Variants in ANK3 observed in about 807,000 individuals in gnomAD.
ANK3 encodes ankyrin-3.
ANK3 carries 57 observed loss-of-function variants against 370.9 expected under a neutral mutation model. The ratio of observed to expected loss-of-function variants is 0.15; its 90% CI spans 0.12 to 0.19. The LOEUF (loss-of-function observed/expected upper bound fraction) is 0.19. Among genes scored for constraint, ANK3 ranks in the 10% least tolerant of loss-of-function variants. The pLI is 1.00. For synonymous variants in ANK3, 1,929 were observed against 1,946.3 expected, an observed-to-expected ratio of 0.99 and a Z score of 0.23; for missense variants, 4,439 against 5,302.1, an observed-to-expected ratio of 0.84 and a Z score of 5.06.
intron 1 of ANK3, among the ~76,000 whole-genome samples, chr10:60,321,419 A>G (rs543934713): frequency 6.7e-4 from 102 of 152,020 alleles, no homozygotes; most frequent in African/African-American, 2.1e-3. Flanking sequence ...AAAGAAAAGA[A>G]AAGAAAAGAA....
intron 2 of ANK3, among the ~76,000 whole-genome samples, chr10:60,422,206 T>G (rs1247909033): frequency 1.3e-5 from 2 of 152,070 alleles, no homozygotes; most frequent in Admixed American, 6.6e-5. Flanking sequence ...TTAATTATCC[T>G]TGGCTAAGAC....
chr10:60,655,741 A>C (rs1189700536), intron 1 of ANK3, among the ~76,000 whole-genome samples: 1 of 152,188 alleles, frequency 6.6e-6, no homozygotes, highest in African/African-American at 2.4e-5. Context: ...ACATTCACTC[A>C]CCATTCACCC....
At chr10:60,569,298 C>T (rs185368633) in intron 2 of ANK3, among the ~76,000 whole-genome samples, 10 of 152,202 alleles carry the variant, frequency 6.6e-5, no homozygotes, top group South Asian at 2.1e-4. Flanking sequence ...TTAAAAAATA[C>T]GGTCTTATTG....
chr10:60,068,743 C>G lies in ANK3; in HGVS notation c.12138G>C (p.Gln4046His), dbSNP rs866529659. 6.2e-7 allele frequency: 1 copy of G among 1,614,064 alleles called. No individual in the cohort carries two copies. Among genetic ancestry groups the G allele is most frequent in the Non-Finnish European group, 8.5e-7 (1 of 1,180,018 alleles). ...TAGCAGACTTCGTTGTAACCGAAGG[C>G]TGGCCACCCCGGGAAGTCTCGGACA... is the stretch of plus-strand genomic sequence containing the variant. ...TSLSETSRGG[Q>H]PSVTTKSARD... The change falls in exon 37 of 44, where the codon CAG becomes CAC. Residue 4046 changes from glutamine (Q) to histidine (H), a missense_variant. By Grantham distance (24) the Gln-to-His change is conservative (BLOSUM62 0). Coordinates refer to ENST00000280772, the MANE Select transcript of ANK3 (RefSeq NM_020987.5).
chr10:60,536,668 G>A (rs2076732120), intron 2 of ANK3, among the ~76,000 whole-genome samples: 1 of 151,762 alleles, frequency 6.6e-6, no homozygotes, highest in Non-Finnish European at 1.5e-5. Flanking sequence ...AAAAAAACAC[G>A]TCCACTTCTA....
At chr10:60,179,383 A>G (rs1216310991) in intron 18 of ANK3, among the ~76,000 whole-genome samples, 1 of 152,192 alleles carries the variant, frequency 6.6e-6, no homozygotes, top group African/African-American at 2.4e-5. Flanking sequence ...ATGCTGCCAG[A>G]TATCATACGG....
At chr10:60,616,258 T>A (rs979798125) in intron 1 of ANK3, among the ~76,000 whole-genome samples, 3 of 152,160 alleles carry the variant, frequency 2.0e-5, no homozygotes, top group Non-Finnish European at 4.4e-5. Context: ...ATTTTCTTAT[T>A]TAATCTTCAC....
intron 1 of ANK3, among the ~76,000 whole-genome samples, chr10:60,694,967 G>A (rs1448232089): frequency 6.7e-6 from 1 of 148,880 alleles, no homozygotes; most frequent in East Asian, 2.0e-4. Flanking sequence ...TGGATAAAGA[G>A]TCAAGACCCA....
chr10:60,070,844 T>A lies in ANK3; in HGVS notation c.10037A>T (p.Lys3346Ile). 1 of 1,614,128 alleles carries A rather than the reference T, an allele frequency of 6.2e-7. No individual in the cohort carries two copies. The highest frequency in any genetic ancestry group is 8.5e-7 in the Non-Finnish European group (1 of 1,180,014). ...AGCCTTTTCAGCAGAAGCTTTGGGT[T>A]TTTCTTTTTGTTCATCGTCCACTTC... ...LKEVDDEQKEKPKASAEKASN... is the reference protein window; with the variant it reads ...LKEVDDEQKEIPKASAEKASN... Residue 3346 changes from lysine to isoleucine, a missense_variant, in exon 37 of 44, where the codon AAA (lysine) becomes ATA (isoleucine). Physicochemically the swap from Lys to Ile is moderately radical, Grantham distance 102 (BLOSUM62 -3). This residue lies in a region of ANK3 where 1,601 missense variants were observed against 1,731.7 expected (regional missense o/e 0.92). Coordinates refer to ENST00000280772, the MANE Select transcript of ANK3 (RefSeq NM_020987.5). This position sits in a 1 kb window ranked among gnomAD's most constrained non-coding sequence, Gnocchi z 5.7.
chr10:60,161,165 C>T (rs1002840412), intron 23 of ANK3, among the ~76,000 whole-genome samples: 3 of 152,106 alleles, frequency 2.0e-5, no homozygotes, highest in Non-Finnish European at 2.9e-5. Flanking sequence ...AAAAACCTAT[C>T]AGAACTGATA....
intron 2 of ANK3, among the ~76,000 whole-genome samples, chr10:60,554,306 G>C (rs1278657214): frequency 6.6e-6 from 1 of 152,010 alleles, no homozygotes; most frequent in Non-Finnish European, 1.5e-5. Context: ...TAATCTCCCT[G>C]AGAACAGGGA....
At position 60,071,639 on chromosome 10, in the gene ANK3, G is replaced by A. The variant is rs2082708128; in HGVS notation, c.9242C>T (p.Ala3081Val). Residue 3081 changes from alanine (A) to valine (V), a missense_variant, in exon 37 of 44, where the codon GCC becomes GTC. This residue lies in a region of ANK3 where 1,601 missense variants were observed against 1,731.7 expected (regional missense o/e 0.92). Coordinates refer to ENST00000280772, the MANE Select transcript of ANK3 (RefSeq NM_020987.5). ...TATCTCTTTCCCTCCCTCTGTCTGG[G>A]CTAGTGGTGCGAGTTTTTCCAATCC... ...IDGLEKLAPL[A>V]QTEGGKEIKT... The A allele has an allele frequency of 6.2e-7, 1 of 1,610,692 alleles. No homozygotes were observed. The highest frequency in any genetic ancestry group is 1.1e-5 in the South Asian group (1 of 90,394).
At chr10:60,616,324 T>G (rs938611012) in intron 1 of ANK3, among the ~76,000 whole-genome samples, 3 of 152,144 alleles carry the variant, frequency 2.0e-5, no homozygotes, top group Non-Finnish European at 2.9e-5. Flanking sequence ...CAATGCACAT[T>G]CATTACAGAA....
At chr10:60,495,465 C>T (rs56122661) in intron 2 of ANK3, among the ~76,000 whole-genome samples, 19,547 of 152,054 alleles carry the variant, frequency 0.13, 1,444 homozygotes, top group African/African-American at 0.2. Flanking sequence ...GAGTATCCTC[C>T]ATTTGACCTC....
intron 1 of ANK3, among the ~76,000 whole-genome samples, chr10:60,637,269 C>T (rs2078567695): frequency 6.6e-6 from 1 of 152,088 alleles, no homozygotes; most frequent in Admixed American, 6.6e-5. Context: ...ATTGGCTTAC[C>T]ATCTCTCTTC....
chr10:60,220,040 T>TTAAAA (rs144914022), intron 8 of ANK3, among the ~76,000 whole-genome samples: 6,737 of 152,196 alleles, frequency 0.044, 469 homozygotes, highest in African/African-American at 0.15. Context: ...CATTTTACTA[T>TTAAAA]TAAAATAAAA....
At chr10:60,570,334 T>C (rs1025174710) in intron 2 of ANK3, among the ~76,000 whole-genome samples, 1 of 152,096 alleles carries the variant, frequency 6.6e-6, no homozygotes, top group Non-Finnish European at 1.5e-5. Flanking sequence ...GTCCAGACAG[T>C]ATAAGGTGCT....
At chr10:60,584,068 C>T (rs1378422452) in intron 2 of ANK3, among the ~76,000 whole-genome samples, 1 of 152,102 alleles carries the variant, frequency 6.6e-6, no homozygotes, top group East Asian at 1.9e-4. Context: ...TTATCTTAAA[C>T]CTTCCCTTTC....
rs564297271 is a variant in ANK3, at chr10:60,431,757, CT to C, written c.97-152119del. The stretch of plus-strand genomic sequence containing the variant: ...GCAAGTGTATACCTATGTAATAAAC[CT>C]GCTTGTTCTGCACATGTATCCCAGA... On this transcript the variant is annotated intron_variant, in intron 2 of 43. Transcript: ENST00000373827. 7.9e-5 allele frequency among the ~76,000 whole-genome samples: 12 copies of C among 152,226 alleles called. No individual in the cohort carries two copies. In the South Asian group the frequency reaches 2.5e-3, roughly 32 times the overall value.
Sources: gnomAD v4.1 joint callset for allele counts (sites outside exome capture counted in the v4.1 genomes callset) on GRCh38, gnomAD v4.1.1 for gene constraint, gnomAD v4.1.1 regional missense constraint, Gnocchi (gnomAD v3.1) non-coding constraint, MANE v1.5 for transcripts, NCBI Gene and HGNC (gene_info 2026-07-23, HGNC 2026-07-21) for gene names.